Variants in SLC9A6 observed in about 807,000 individuals in gnomAD.
SLC9A6 encodes the protein sodium/hydrogen exchanger 6.
SLC9A6 carries 6 observed loss-of-function variants against 45.3 expected under a neutral mutation model. The observed-to-expected ratio is 0.13, with a 90% confidence interval of 0.07 to 0.26. The LOEUF (loss-of-function observed/expected upper bound fraction) is 0.26, where lower values mean the gene tolerates loss of function less well. Ranked by LOEUF, SLC9A6 falls within the 10% of genes least tolerant of loss-of-function variation. SLC9A6 has a pLI of 1.00. For synonymous variants in SLC9A6, 191 were observed against 187.7 expected, an observed-to-expected ratio of 1.02 and a Z score of -0.14; for missense variants, 278 against 503.7, an observed-to-expected ratio of 0.55 and a Z score of 4.29.
At chrX:135,981,701 G>A (rs781965725), upstream of SLC9A6, among the ~76,000 whole-genome samples, 78 of 112,119 alleles carry the variant, frequency 7.0e-4, no homozygotes, top group African/African-American at 2.4e-3. Flanking sequence ...GGATATAAGG[G>A]TGAAGAGACA....
intron 2 of SLC9A6, among the ~76,000 whole-genome samples, chrX:135,986,636 G>A (rs2089343958): frequency 9.0e-6 from 1 of 111,223 alleles, no homozygotes. Flanking sequence ...GTTGGCATGA[G>A]GTTATTGACC....
chrX:136,020,455 G>A (rs1301987122), intron 11 of SLC9A6, among the ~76,000 whole-genome samples: 4 of 111,507 alleles, frequency 3.6e-5, no homozygotes, highest in African/African-American at 1.3e-4. Flanking sequence ...GGGTCCAGGC[G>A]ATTTTCCTGT....
Position 136,044,748 on chromosome X carries a change from T to G in SLC9A6, c.*24T>G. ...AAGCTTACTAATACTCACTTAGTGA[T>G]TTGTAAAATTTGCACATGTGATTGT... is the stretch of plus-strand genomic sequence containing the variant. On this transcript the variant is annotated 3_prime_UTR_variant, in exon 18 of 18. Coordinates refer to ENST00000630721, the MANE Select transcript of SLC9A6 (RefSeq NM_001379110.1). 1 of 1,196,830 alleles carries G rather than the reference T, an allele frequency of 8.4e-7. No homozygotes were observed. Among genetic ancestry groups the G allele is most frequent in the Non-Finnish European group, 1.1e-6 (1 of 881,974 alleles).
chrX:135,997,557 G>A (rs1195740296), intron 3 of SLC9A6, among the ~76,000 whole-genome samples: 3 of 102,496 alleles, frequency 2.9e-5, no homozygotes, highest in South Asian at 9.1e-4. Context: ...ACAGGCACAC[G>A]CCACCACACC....
chrX:136,043,093 G>T (rs1556622907), intron 17 of SLC9A6, among the ~76,000 whole-genome samples: 1 of 112,052 alleles, frequency 8.9e-6, no homozygotes, highest in East Asian at 2.8e-4. Flanking sequence ...GTGCTGAAGA[G>T]CCCCTGTGGA....
chrX:136,002,535 A>G (rs1234929360), intron 7 of SLC9A6, among the ~76,000 whole-genome samples: 1 of 110,283 alleles, frequency 9.1e-6, no homozygotes, highest in Non-Finnish European at 1.9e-5. Flanking sequence ...TGAGCATTTA[A>G]TTTTTTAAAT....
upstream of SLC9A6, among the ~76,000 whole-genome samples, chrX:135,980,596 G>A (rs1443303513): frequency 2.7e-5 from 3 of 111,407 alleles, no homozygotes; most frequent in Non-Finnish European, 3.8e-5. Flanking sequence ...TCACTCTGTT[G>A]TCTAGGCTGG....
At chrX:136,019,360 C>T (rs1217814335) in intron 11 of SLC9A6, among the ~76,000 whole-genome samples, 4 of 112,169 alleles carry the variant, frequency 3.6e-5, no homozygotes, top group African/African-American at 1.3e-4. Context: ...CTGCCCGTTG[C>T]CTTGAAGGGC....
At chrX:135,982,496 T>C (rs1361265616), upstream of SLC9A6, among the ~76,000 whole-genome samples, 1 of 108,881 alleles carries the variant, frequency 9.2e-6, no homozygotes, top group Non-Finnish European at 1.9e-5. Context: ...CTTTTTTTTT[T>C]TTTTTGAGAC....
intron 7 of SLC9A6, among the ~76,000 whole-genome samples, chrX:136,007,988 T>A (rs782465868): frequency 9.0e-6 from 1 of 111,404 alleles, no homozygotes; most frequent in South Asian, 3.8e-4. Flanking sequence ...AATGGAGACC[T>A]TTTGGAAGGC....
chrX:136,009,471 A>G (rs952802778), intron 7 of SLC9A6, among the ~76,000 whole-genome samples: 3 of 111,981 alleles, frequency 2.7e-5, no homozygotes, highest in Non-Finnish European at 5.6e-5. Flanking sequence ...AGAAAAAAAC[A>G]TTGCAGCAAC....
At chrX:136,013,094 G>C in intron 9 of SLC9A6, 40 bp downstream of exon 9, 2 of 993,327 alleles carry the variant, frequency 2.0e-6, no homozygotes, top group Non-Finnish European at 2.9e-6. Flanking sequence ...CCCTTAAAAG[G>C]AGTGACTTTG....
intron 11 of SLC9A6, among the ~76,000 whole-genome samples, chrX:136,018,612 G>A (rs1248008791): frequency 4.5e-5 from 5 of 111,946 alleles, no homozygotes; most frequent in African/African-American, 1.6e-4. Flanking sequence ...AGAATATAGG[G>A]ATCTTTGGAC....
chrX:136,012,159 G>A (rs901835096), intron 8 of SLC9A6, among the ~76,000 whole-genome samples: 6 of 113,006 alleles, frequency 5.3e-5, no homozygotes, highest in Non-Finnish European at 7.5e-5. Context: ...AAACAGATAC[G>A]TTATTCTTTG....
At chrX:136,025,906 C>T (rs782483484) in intron 13 of SLC9A6, among the ~76,000 whole-genome samples, 142 of 111,646 alleles carry the variant, frequency 1.3e-3, no homozygotes, top group African/African-American at 4.5e-3. Context: ...TAGATGAAGA[C>T]TTTCCCTCAT....
At chrX:136,004,149 C>T (rs781926141) in intron 7 of SLC9A6, among the ~76,000 whole-genome samples, 17 of 89,167 alleles carry the variant, frequency 1.9e-4, no homozygotes, top group Admixed American at 1.5e-3. Flanking sequence ...GGTGCAGTGG[C>T]GCAATATAGA....
At chrX:135,982,346 A>G (rs1556614197), upstream of SLC9A6, among the ~76,000 whole-genome samples, 1 of 97,089 alleles carries the variant, frequency 1.0e-5, no homozygotes, top group Non-Finnish European at 2.1e-5. Context: ...CATGGAGAGC[A>G]GAAAGAGATG....
chrX:135,985,718 C>T lies in SLC9A6; in HGVS notation c.60C>T (p.Ala20=). The T allele has an allele frequency of 8.3e-7, 1 of 1,211,869 alleles. No homozygotes were observed. Among genetic ancestry groups the T allele is most frequent in the Non-Finnish European group, 1.1e-6 (1 of 895,473 alleles). ...QAEESHRQDS[A]NLLIFILLLT... ...AGGAGAGCCACCGGCAGGACAGCGCCAACCTGCTCATCTTCATCCTGCTGC... is the reference window on the plus strand; with the variant it reads ...AGGAGAGCCACCGGCAGGACAGCGCTAACCTGCTCATCTTCATCCTGCTGC... The change falls in exon 2 of 18, where the codon GCC becomes GCT. Residue 20 remains alanine, a synonymous_variant. Coordinates refer to ENST00000630721, the MANE Select transcript of SLC9A6 (RefSeq NM_001379110.1).
At chrX:136,042,077 A>G (rs1404328418) in intron 17 of SLC9A6, among the ~76,000 whole-genome samples, 1 of 110,692 alleles carries the variant, frequency 9.0e-6, no homozygotes, top group Non-Finnish European at 1.9e-5. Flanking sequence ...CTATTTCCAA[A>G]CAAGGTTACA....
Sources: allele counts gnomAD v4.1 joint callset (sites outside exome capture counted in the v4.1 genomes callset), GRCh38; gene constraint gnomAD v4.1.1; transcripts MANE v1.5; gene names NCBI Gene and HGNC (gene_info 2026-07-23, HGNC 2026-07-21).